SH3BGRL2: variants seen among roughly 807,000 people sequenced by gnomAD.
SH3BGRL2 encodes SH3 domain-binding glutamic acid-rich-like protein 2.
A neutral mutation model predicts 14.8 loss-of-function variants in SH3BGRL2; 21 were observed. The observed-to-expected ratio is 1.42, with a 90% CI of 1.01 to 2.05. SH3BGRL2 has a LOEUF of 2.05. Among genes scored for constraint, SH3BGRL2 ranks in the 30% most tolerant of loss-of-function variants. The pLI is 0.00. For missense variants in SH3BGRL2, 147 were observed against 130.8 expected, an observed-to-expected ratio of 1.12 and a Z score of -0.61; for synonymous variants, 50 against 47.8, an observed-to-expected ratio of 1.05 and a Z score of -0.19.
the SH3BGRL2 span, among the ~76,000 whole-genome samples, chr6:79,588,016 G>T: frequency 2.0e-5 from 3 of 151,584 alleles, no homozygotes; most frequent in South Asian, 4.2e-4. Context: ...TCTACTGGCC[G>T]GGTGCGGTGG....
chr6:79,570,990 C>T, the SH3BGRL2 span, among the ~76,000 whole-genome samples: 3 of 152,180 alleles, frequency 2.0e-5, no homozygotes, highest in Non-Finnish European at 4.4e-5. Flanking sequence ...GAAAATACAT[C>T]GAAGCCCTCC....
At chr6:79,541,278 A>G in the SH3BGRL2 span, among the ~76,000 whole-genome samples, 1 of 152,164 alleles carries the variant, frequency 6.6e-6, no homozygotes, top group Non-Finnish European at 1.5e-5. Flanking sequence ...TCCTTTATCA[A>G]AATTCATTAA....
the SH3BGRL2 span, among the ~76,000 whole-genome samples, chr6:79,559,661 A>G: frequency 2.1e-3 from 317 of 152,302 alleles, no homozygotes; most frequent in Non-Finnish European, 3.6e-3. Context: ...TTAGAAGGAA[A>G]AGTAAAGGCG....
chr6:79,564,019 A>C, the SH3BGRL2 span, among the ~76,000 whole-genome samples: 3 of 152,204 alleles, frequency 2.0e-5, no homozygotes, highest in African/African-American at 4.8e-5. Flanking sequence ...GTTAGCAAAG[A>C]CTGGAAAAAT....
the SH3BGRL2 span, among the ~76,000 whole-genome samples, chr6:79,546,533 G>A: frequency 6.6e-6 from 1 of 152,136 alleles, no homozygotes; most frequent in South Asian, 2.1e-4. Context: ...GGAAAGAAGG[G>A]AAGAAACCAT....
the SH3BGRL2 span, among the ~76,000 whole-genome samples, chr6:79,568,187 A>G: frequency 6.6e-6 from 1 of 152,106 alleles, no homozygotes; most frequent in Non-Finnish European, 1.5e-5. Flanking sequence ...AGATGCGCAC[A>G]CCTAACACCC....
At chr6:79,659,011 T>C (rs1186548386) in intron 1 of SH3BGRL2, among the ~76,000 whole-genome samples, 3 of 152,234 alleles carry the variant, frequency 2.0e-5, no homozygotes, top group Admixed American at 6.5e-5. Flanking sequence ...TAAATTTGTT[T>C]AAGTTCTTTG....
chr6:79,611,884 G>A, the SH3BGRL2 span, among the ~76,000 whole-genome samples: 1 of 152,152 alleles, frequency 6.6e-6, no homozygotes, highest in East Asian at 1.9e-4. Flanking sequence ...GCAACATTAT[G>A]CCTCTCTTGC....
the SH3BGRL2 span, among the ~76,000 whole-genome samples, chr6:79,623,961 C>G: frequency 1.3e-5 from 2 of 152,030 alleles, no homozygotes; most frequent in East Asian, 1.9e-4. Flanking sequence ...GGCCTTTATG[C>G]CTAGCATAAT....
the SH3BGRL2 span, among the ~76,000 whole-genome samples, chr6:79,620,186 G>A: frequency 6.6e-6 from 1 of 151,390 alleles, no homozygotes; most frequent in Non-Finnish European, 1.5e-5. Context: ...ATAAACTAAT[G>A]TTCTTTCTTG....
intron 1 of SH3BGRL2, among the ~76,000 whole-genome samples, chr6:79,661,536 G>T (rs949421834): frequency 6.6e-6 from 1 of 152,150 alleles, no homozygotes; most frequent in East Asian, 1.9e-4. Flanking sequence ...TGGCTGAGGA[G>T]TGCTTTACTT....
the SH3BGRL2 span, among the ~76,000 whole-genome samples, chr6:79,573,256 T>C: frequency 1.3e-5 from 2 of 152,224 alleles, no homozygotes; most frequent in Non-Finnish European, 2.9e-5. Context: ...TGGTTTATCT[T>C]TCCCTACTGA....
At chr6:79,693,390 C>G (rs1011312660) in intron 2 of SH3BGRL2, among the ~76,000 whole-genome samples, 9 of 151,530 alleles carry the variant, frequency 5.9e-5, no homozygotes, top group African/African-American at 1.5e-4. Flanking sequence ...ACTTCCAACA[C>G]TATGTTAAAT....
chr6:79,682,660 C>G (rs376548716), intron 2 of SH3BGRL2, among the ~76,000 whole-genome samples: 1 of 152,148 alleles, frequency 6.6e-6, no homozygotes, highest in Non-Finnish European at 1.5e-5. Flanking sequence ...CCCATCTGCC[C>G]GGAACATCCA....
At chr6:79,552,051 C>G in the SH3BGRL2 span, among the ~76,000 whole-genome samples, 18 of 152,122 alleles carry the variant, frequency 1.2e-4, no homozygotes, top group African/African-American at 4.1e-4. Flanking sequence ...GATTGTGCCA[C>G]TTTACTCCAG....
the SH3BGRL2 span, among the ~76,000 whole-genome samples, chr6:79,556,955 C>G: frequency 1.6e-4 from 25 of 151,892 alleles, no homozygotes; most frequent in African/African-American, 5.1e-4. Flanking sequence ...TCTGATTTGT[C>G]TATTCTGAAC....
At chr6:79,574,976 T>C in the SH3BGRL2 span, 2 of 152,208 alleles carry the variant, frequency 1.3e-5, no homozygotes, top group African/African-American at 4.8e-5. Flanking sequence ...TTACATGGCA[T>C]CTCAGGTCAA....
rs60702112 is a variant in SH3BGRL2 at position 79,648,255 on chromosome 6, CATAT to C, written c.45+16774_45+16777del. Reference sequence around the variant, plus strand: ...ACATTTTCTCTCTCTATTCTTTTGGCATATATATATATATATATATATATATATT... The same window carrying C: ...ACATTTTCTCTCTCTATTCTTTTGGCATATATATATATATATATATATATT... On this transcript the variant is annotated intron_variant, in intron 1 of 3. Transcript: ENST00000369838. 5.9e-3 allele frequency among the ~76,000 whole-genome samples: 368 copies of C among 62,446 alleles called. 9 individuals carry two copies. Among genetic ancestry groups the C allele is most frequent in the Middle Eastern group, 0.016 (2 of 124 alleles). 41.0% of individuals were successfully genotyped at this position (62,446 alleles called of 152,430 possible).
chr6:79,653,084 G>T (rs1223126854), intron 1 of SH3BGRL2, among the ~76,000 whole-genome samples: 1 of 152,164 alleles, frequency 6.6e-6, no homozygotes, highest in African/African-American at 2.4e-5. Flanking sequence ...GCATGTCTGA[G>T]TAGATAAACA....
Sources: gnomAD v4.1 joint callset for allele counts (sites outside exome capture counted in the v4.1 genomes callset) on GRCh38, gnomAD v4.1.1 for gene constraint, MANE v1.5 for transcripts, NCBI Gene and HGNC (gene_info 2026-07-23, HGNC 2026-07-21) for gene names.